Variants in KANSL2 observed in about 807,000 individuals in gnomAD.
KANSL2 encodes the protein NSL complex protein NSL2.
KANSL2 carries 34 observed loss-of-function variants against 55.6 expected under a neutral mutation model. The ratio of observed to expected loss-of-function variants is 0.61; its 90% CI spans 0.46 to 0.81. The LOEUF is 0.81. Among genes scored for constraint, KANSL2 ranks in the 40% least tolerant of loss-of-function variants. The pLI is 0.00. For synonymous variants in KANSL2, 209 were observed against 214.3 expected, an observed-to-expected ratio of 0.98 and a Z score of 0.22; for missense variants, 502 against 609.9, an observed-to-expected ratio of 0.82 and a Z score of 1.86.
chr12:48,664,328 A>C (rs1157530168), intron 7 of KANSL2, among the ~76,000 whole-genome samples: 1 of 150,298 alleles, frequency 6.7e-6, no homozygotes, highest in African/African-American at 2.5e-5. Context: ...CCCAGGCTGG[A>C]GTGCAGTGGC....
In KANSL2 at chr12:48,679,765, T is replaced by A; in HGVS notation, c.320A>T (p.Asn107Ile). 6.2e-7 allele frequency: 1 copy of A among 1,609,560 alleles called. No individual in the cohort carries two copies. Among genetic ancestry groups the A allele is most frequent in the South Asian group, 1.1e-5 (1 of 90,024 alleles). ...GAGTGTTTCACCCACAGGCCCTGGG[T>A]TGGTCTTCTTCATTTGAGCATGAAG... ...LALHAQMKKT[N>I]PGPVGETLLC... is the part of the protein sequence containing the mutation. Residue 107 changes from asparagine (N) to isoleucine (I), a missense_variant, in exon 3 of 10, where the codon AAC (asparagine) becomes ATC (isoleucine). Transcript: ENST00000420613.
At chr12:48,678,350 C>G (rs1939862121) in intron 4 of KANSL2, among the ~76,000 whole-genome samples, 1 of 152,142 alleles carries the variant, frequency 6.6e-6, no homozygotes. Flanking sequence ...CAGAAGCTTA[C>G]TAAGATATAA....
intron 4 of KANSL2, among the ~76,000 whole-genome samples, chr12:48,672,590 T>C (rs1040253391): frequency 6.6e-6 from 1 of 150,908 alleles, no homozygotes; most frequent in African/African-American, 2.4e-5. Flanking sequence ...ACCACCCCAC[T>C]TGGTTAATTT....
chr12:48,681,822 G>T (rs1267196633), intron 1 of KANSL2, 181 bp from the exon 2 acceptor site: 4 of 755,334 alleles, frequency 5.3e-6, no homozygotes, highest in Admixed American at 4.0e-5. Flanking sequence ...TCCCTTTAGC[G>T]TGTCCCTCCA....
intron 7 of KANSL2, among the ~76,000 whole-genome samples, chr12:48,665,992 C>T (rs1939590601): frequency 6.6e-6 from 1 of 152,092 alleles, no homozygotes; most frequent in South Asian, 2.1e-4. Context: ...GCGGGAGGAT[C>T]ACATGAGCTC....
intron 7 of KANSL2, chr12:48,662,458 T>G (rs965357259): frequency 1.8e-6 from 2 of 1,089,860 alleles, no homozygotes; most frequent in Middle Eastern, 5.2e-4. Context: ...CTTATGTATT[T>G]AATACCACAA....
At chr12:48,671,664 A>T in intron 5 of KANSL2, 135 bp downstream of exon 5, 3 of 869,866 alleles carry the variant, frequency 3.4e-6, no homozygotes, top group Non-Finnish European at 5.4e-6. Context: ...CGTTAGCGTG[A>T]GTCACTCCAT....
Position 48,660,372 on chromosome 12 carries a change from G to C in KANSL2, c.1221C>G (p.Phe407Leu). Residue 407 changes from phenylalanine to leucine, a missense_variant, in exon 8 of 10, where the codon TTC (phenylalanine) becomes TTG (leucine). By Grantham distance (22) the Phe-to-Leu change is conservative. Coordinates refer to ENST00000420613, the MANE Select transcript of KANSL2 (RefSeq NM_017822.4). ...LQPTESLPLE[F>L]SDDLDVVGDG... ...CAGAGCTTCTCTAACTTACATCACT[G>C]AACTCCAGAGGTAAACTCTCAGTGG... 1 of 1,613,690 alleles carries C rather than the reference G, an allele frequency of 6.2e-7. No individual in the cohort carries two copies. Among genetic ancestry groups the C allele is most frequent in the East Asian group, 2.2e-5 (1 of 44,880 alleles).
At chr12:48,665,580 G>T (rs894997497) in intron 7 of KANSL2, among the ~76,000 whole-genome samples, 1 of 152,050 alleles carries the variant, frequency 6.6e-6, no homozygotes, top group Non-Finnish European at 1.5e-5. Context: ...AACAAATAAA[G>T]AAAATAAGTT....
intron 3 of KANSL2, 52 bp downstream of exon 3, chr12:48,679,603 T>G (rs569243007): frequency 2.7e-6 from 4 of 1,496,386 alleles, no homozygotes; most frequent in African/African-American, 1.4e-5. Flanking sequence ...CCCAAAATAG[T>G]TCCCCCTTAA....
chr12:48,660,234 T>C (rs1401186438), intron 8 of KANSL2, 132 bp downstream of exon 8: 3 of 832,680 alleles, frequency 3.6e-6, no homozygotes, highest in Non-Finnish European at 5.5e-6. Context: ...AACATATAAA[T>C]ACAACTATAC....
At chr12:48,655,930 G>A (rs10506282) in intron 8 of KANSL2, among the ~76,000 whole-genome samples, 2,019 of 152,082 alleles carry the variant, frequency 0.013, 41 homozygotes, top group African/African-American at 0.046. Context: ...ACATACATAG[G>A]TTAAAAGAGT....
chr12:48,681,815 C>T (rs1490615689), intron 1 of KANSL2, 174 bp from the exon 2 acceptor site: 1 of 781,266 alleles, frequency 1.3e-6, no homozygotes. Flanking sequence ...CTTTGCCTCC[C>T]TTTAGCGTGT....
chr12:48,662,687 T>G (rs1345210436), intron 7 of KANSL2: 2 of 1,277,790 alleles, frequency 1.6e-6, no homozygotes, highest in African/African-American at 3.1e-5. Flanking sequence ...GGTAAGTGAC[T>G]TAGGCAACTA....
rs567694800 is a variant in KANSL2 at position 48,681,542 on chromosome 12, T to G, written c.91A>C (p.Thr31Pro). ...CGAGGGTGAGAGCATGGACGATGAG[T>G]GAATGCACAAGACAGAGGTTCCTGA... is the stretch of plus-strand genomic sequence containing the variant. Reference protein sequence around the residue: ...RSQEPLSCAFTHRPCSHPRLE... With the variant: ...RSQEPLSCAFPHRPCSHPRLE... The change falls in exon 2 of 10, where the codon ACT (threonine) becomes CCT (proline). Residue 31 changes from threonine to proline, a missense_variant. Physicochemically the swap from Thr to Pro is conservative, Grantham distance 38. Transcript: ENST00000420613. The G allele has an allele frequency of 6.2e-7, 1 of 1,613,570 alleles. No homozygotes were observed. Among genetic ancestry groups the G allele is most frequent in the Non-Finnish European group, 8.5e-7 (1 of 1,179,838 alleles).
chr12:48,681,489 C>G lies in KANSL2; in HGVS notation c.144G>C (p.Lys48Asn), dbSNP rs918392024. ...PRLEGQEFCI[K>N]HILEDKNAPF... ...GTGCATTCTTGTCTTCAAGGATATG[C>G]TTAATGCAAAACTCCTGCCCCTCCA... Residue 48 changes from lysine (K) to asparagine (N), a missense_variant, in exon 2 of 10, where the codon AAG (lysine) becomes AAC (asparagine). Lys to Asn is a moderately conservative substitution (Grantham distance 94, BLOSUM62 0). Transcript: ENST00000420613. The G allele has an allele frequency of 1.2e-6, 2 of 1,613,946 alleles. No homozygotes were observed. The highest frequency in any genetic ancestry group is 1.7e-6 in the Non-Finnish European group (2 of 1,179,888).
At position 48,669,257 on chromosome 12, in the gene KANSL2, G is replaced by A; in HGVS notation, c.725C>T (p.Thr242Ile). ...TTTGGCCAAAAGTCCCTCTGGGCCAGTCAGGAGACTACTGCCTAGAGTTAC... is the reference window on the plus strand; with the variant it reads ...TTTGGCCAAAAGTCCCTCTGGGCCAATCAGGAGACTACTGCCTAGAGTTAC... ...EHEALGSSLL[T>I]GPEGLLAKER... The change falls in exon 6 of 10, where the codon ACT (threonine) becomes ATT (isoleucine). Residue 242 changes from threonine (T) to isoleucine (I), a missense_variant. Physicochemically the swap from Thr to Ile is moderately conservative, Grantham distance 89. Transcript: ENST00000420613. 1 of 1,571,904 alleles carries A rather than the reference G, an allele frequency of 6.4e-7. No individual in the cohort carries two copies. Among genetic ancestry groups the A allele is most frequent in the South Asian group, 1.2e-5 (1 of 84,908 alleles).
At chr12:48,657,685 T>C (rs1939412354) in intron 8 of KANSL2, among the ~76,000 whole-genome samples, 1 of 151,782 alleles carries the variant, frequency 6.6e-6, no homozygotes, top group African/African-American at 2.4e-5. Flanking sequence ...GGCAAGATCT[T>C]GGCTCACTGC....
chr12:48,666,434 T>A (rs979919787), intron 7 of KANSL2, among the ~76,000 whole-genome samples: 14 of 150,144 alleles, frequency 9.3e-5, no homozygotes, highest in Non-Finnish European at 2.1e-4. Context: ...GGCTCATGCC[T>A]GTAATCCCAA....
Sources: gnomAD v4.1 joint callset for allele counts (sites outside exome capture counted in the v4.1 genomes callset) on GRCh38, gnomAD v4.1.1 for gene constraint, MANE v1.5 for transcripts, NCBI Gene and HGNC (gene_info 2026-07-23, HGNC 2026-07-21) for gene names.